Variants in SERPINA1 observed in about 807,000 individuals in gnomAD.
SERPINA1 encodes the protein serpin family A member 1.
Under a neutral mutation model 25.4 loss-of-function variants are expected in SERPINA1, and 21 were observed. The observed-to-expected ratio is 0.83, with a 90% confidence interval of 0.59 to 1.19. The LOEUF (loss-of-function observed/expected upper bound fraction) is 1.19. Among genes scored for constraint, SERPINA1 ranks in the 50% most tolerant of loss-of-function variants. The pLI, the probability that SERPINA1 is intolerant of heterozygous loss-of-function variation, is 0.00. For synonymous variants in SERPINA1, 218 were observed against 211.1 expected (o/e 1.03, Z -0.29); for missense variants, 546 against 509.0 (o/e 1.07, Z -0.70).
Position 94,387,231 on chromosome 14 carries a change from C to G in SERPINA1, c.-5+1329G>C, listed in dbSNP as rs142810061. On this transcript the variant is annotated intron_variant, in intron 1 of 4. Transcript: ENST00000393087. ...CGTCAACTTGCTATTAGCTGTGTGA[C>G]CTTGGACAAGTTACTTAACCTCTCT... 3.9e-4 allele frequency among the ~76,000 whole-genome samples: 60 copies of G among 152,296 alleles called. 2 individuals carry two copies. The Middle Eastern group carries it at 0.02, about 52-fold the overall frequency.
At chr14:94,383,843 T>C (rs570239827) in intron 1 of SERPINA1, among the ~76,000 whole-genome samples, 1 of 152,210 alleles carries the variant, frequency 6.6e-6, no homozygotes, top group African/African-American at 2.4e-5. Context: ...AGAAGGGAAA[T>C]GCATCTTGCA....
chr14:94,379,264 C>G (rs1018366176), intron 4 of SERPINA1, 200 bp downstream of exon 4: 43 of 732,328 alleles, frequency 5.9e-5, no homozygotes, highest in Non-Finnish European at 9.4e-5. Context: ...CCGAAAGTGC[C>G]AGCTGCACAG....
In SERPINA1 at chr14:94,378,498, G is replaced by A. The variant is rs778747339; in HGVS notation, c.1208C>T (p.Thr403Ile). The change falls in exon 5 of 5, where the codon ACC becomes ATC. Residue 403 changes from threonine (T) to isoleucine (I), a missense_variant. By Grantham distance (89) the Thr-to-Ile change is moderately conservative. Transcript: ENST00000393087. ...TTTTCCCATGAAGAGGGGAGACTTG[G>A]TATTTTGTTCAATCATTAAGAAGAC... Reference protein sequence around the residue: ...PFVFLMIEQNTKSPLFMGKVV... With the variant: ...PFVFLMIEQNIKSPLFMGKVV... 1 of 1,614,108 alleles carries A rather than the reference G, an allele frequency of 6.2e-7. No individual in the cohort carries two copies. Among genetic ancestry groups the A allele is most frequent in the East Asian group, 2.2e-5 (1 of 44,858 alleles).
intron 1 of SERPINA1, 27 bp from the exon 2 acceptor site, chr14:94,383,268 GCCC>G (rs1897091981): frequency 6.2e-7 from 1 of 1,601,032 alleles, no homozygotes; most frequent in African/African-American, 1.3e-5. Context: ...GGGGGGCCAG[GCCC>G]CGAGTCAAGG....
At position 94,378,448 on chromosome 14, in the gene SERPINA1, G is replaced by C. The variant is rs72547410; in HGVS notation, c.*1C>G. Reference sequence around the variant, plus strand: ...GGGAGGGGTTGAGGAGCGAGAGGCAGTTATTTTTGGGTGGGATTCACCACT... The same window carrying C: ...GGGAGGGGTTGAGGAGCGAGAGGCACTTATTTTTGGGTGGGATTCACCACT... On this transcript the variant is annotated 3_prime_UTR_variant, in exon 5 of 5. Coordinates refer to ENST00000393087, the MANE Select transcript of SERPINA1 (RefSeq NM_000295.5). The C allele has an allele frequency of 6.2e-7, 1 of 1,613,986 alleles. No homozygotes were observed. The highest frequency in any genetic ancestry group is 8.5e-7 in the Non-Finnish European group (1 of 1,179,980).
At chr14:94,383,633 A>T (rs2144831) in intron 1 of SERPINA1, 57,157 of 246,098 alleles carry the variant, frequency 0.23, 8,381 homozygotes, top group East Asian at 0.58. Context: ...AGCAACACTT[A>T]CATCTGCAAT....
At chr14:94,381,391 G>C (rs570882854) in intron 2 of SERPINA1, among the ~76,000 whole-genome samples, 1 of 152,300 alleles carries the variant, frequency 6.6e-6, no homozygotes, top group Admixed American at 6.5e-5. Flanking sequence ...GCGATGTCAG[G>C]CTAAGAGATG....
intron 4 of SERPINA1, 85 bp downstream of exon 4, chr14:94,379,379 C>T: frequency 2.5e-6 from 4 of 1,583,324 alleles, no homozygotes; most frequent in African/African-American, 2.7e-5. Flanking sequence ...TCGGCCCCTT[C>T]CTCAGCCTCA....
chr14:94,389,689 G>C (rs1470321803), upstream of SERPINA1: 2 of 152,204 alleles, frequency 1.3e-5, no homozygotes, highest in African/African-American at 2.4e-5. Flanking sequence ...CTTGGGAGCT[G>C]GCGTACGTGC....
At chr14:94,389,167 C>A (rs559836075), upstream of SERPINA1, among the ~76,000 whole-genome samples, 4 of 152,330 alleles carry the variant, frequency 2.6e-5, no homozygotes, top group African/African-American at 9.6e-5. Flanking sequence ...GCAGACACAA[C>A]CGTCAGGCTG....
At chr14:94,383,572 A>G in intron 1 of SERPINA1, 1 of 397,396 alleles carries the variant, frequency 2.5e-6, no homozygotes, top group Non-Finnish European at 4.6e-6. Flanking sequence ...GTCACTGAGG[A>G]AGTAGCAGAA....
In SERPINA1 at chr14:94,381,375, A is replaced by G. The variant is rs1896903210; in HGVS notation, c.647-234T>C. Among the ~76,000 whole-genome samples, 4 of 152,202 alleles carry G rather than the reference A, an allele frequency of 2.6e-5. No homozygotes were observed. In the South Asian group the frequency reaches 8.3e-4, roughly 32 times the overall value. On this transcript the variant is annotated intron_variant, in intron 2 of 4. Coordinates refer to ENST00000393087, the MANE Select transcript of SERPINA1 (RefSeq NM_000295.5). ...CTAGAGGAAGATGCAGAATTTCTAC[A>G]TCGTGGCGATGTCAGGCTAAGAGAT...
At position 94,380,972 on chromosome 14, in the gene SERPINA1, G is replaced by A; in HGVS notation, c.816C>T (p.Ala272=). 2 of 1,614,140 alleles carry A rather than the reference G, an allele frequency of 1.2e-6. No homozygotes were observed. The highest frequency in any genetic ancestry group is 1.7e-6 in the Non-Finnish European group (2 of 1,180,034). The change falls in exon 3 of 5, where the codon GCC becomes GCT. Residue 272 remains alanine, a synonymous_variant. Coordinates refer to ENST00000393087, the MANE Select transcript of SERPINA1 (RefSeq NM_000295.5). Reference sequence around the variant, plus strand: ...CATCAGGCAGGAAGAAGATGGCGGTGGCATTGCCCAGGTATTTCATCAGCA... The same window carrying A: ...CATCAGGCAGGAAGAAGATGGCGGTAGCATTGCCCAGGTATTTCATCAGCA... ...WVLLMKYLGN[A]TAIFFLPDEG...
chr14:94,389,114 C>G (rs912380369), upstream of SERPINA1: 1 of 152,294 alleles, frequency 6.6e-6, no homozygotes, highest in Admixed American at 6.5e-5. Flanking sequence ...TAGACACAAA[C>G]ACCCTCTTGA....
At position 94,379,444 on chromosome 14, in the gene SERPINA1, G is replaced by T. The variant is rs779444809; in HGVS notation, c.1065+20C>A. ...CCCTACAGATACCAGGGTGCAACAA[G>T]GTCGTCAGGGTGATCTCACCTTGGA... On this transcript the variant is annotated intron_variant, in intron 4 of 4. Coordinates refer to ENST00000393087, the MANE Select transcript of SERPINA1 (RefSeq NM_000295.5). 2 of 1,613,936 alleles carry T rather than the reference G, an allele frequency of 1.2e-6. No individual in the cohort carries two copies. The highest frequency in any genetic ancestry group is 2.2e-5 in the South Asian group (2 of 91,062).
intron 2 of SERPINA1, among the ~76,000 whole-genome samples, chr14:94,382,355 G>A (rs1384836807): frequency 6.6e-6 from 1 of 152,022 alleles, no homozygotes; most frequent in Non-Finnish European, 1.5e-5. Flanking sequence ...GGACATTAAA[G>A]GCTCTGAAAA....
chr14:94,378,497 G>T lies in SERPINA1; in HGVS notation c.1209C>A (p.Thr403=). 1 of 1,614,124 alleles carries T rather than the reference G, an allele frequency of 6.2e-7. No homozygotes were observed. The highest frequency in any genetic ancestry group is 8.5e-7 in the Non-Finnish European group (1 of 1,180,034). Residue 403 remains threonine (T), a synonymous_variant, in exon 5 of 5, where the codon ACC becomes ACA. Transcript: ENST00000393087. ...PFVFLMIEQN[T]KSPLFMGKVV... ...CTTTTCCCATGAAGAGGGGAGACTT[G>T]GTATTTTGTTCAATCATTAAGAAGA... is the stretch of plus-strand genomic sequence containing the variant.
At chr14:94,378,758 C>G in intron 4 of SERPINA1, 118 bp from the exon 5 acceptor site, 1 of 1,057,304 alleles carries the variant, frequency 9.5e-7, no homozygotes, top group Non-Finnish European at 1.4e-6. Context: ...CCCTGCACAT[C>G]CTCTCCCTCC....
In SERPINA1 at chr14:94,383,182, A is replaced by G; in HGVS notation, c.56T>C (p.Val19Ala). The G allele has an allele frequency of 6.2e-7, 1 of 1,614,120 alleles. No homozygotes were observed. Among genetic ancestry groups the G allele is most frequent in the Non-Finnish European group, 8.5e-7 (1 of 1,180,020 alleles). ...GGGATCCTCAGCCAGGGAGACAGGGACCAGGCAGCACAGGCCTGCCAGCAG... is the reference window on the plus strand; with the variant it reads ...GGGATCCTCAGCCAGGGAGACAGGGGCCAGGCAGCACAGGCCTGCCAGCAG... ...ILLLAGLCCL[V>A]PVSLAEDPQG... The change falls in exon 2 of 5, where the codon GTC becomes GCC. Residue 19 changes from valine to alanine, a missense_variant. Coordinates refer to ENST00000393087, the MANE Select transcript of SERPINA1 (RefSeq NM_000295.5).
Sources: allele counts gnomAD v4.1 joint callset (sites outside exome capture counted in the v4.1 genomes callset), GRCh38; gene constraint gnomAD v4.1.1; transcripts MANE v1.5; gene names NCBI Gene and HGNC (gene_info 2026-07-23, HGNC 2026-07-21).